The following FRYL variants were observed in gnomAD, a reference collection of about 807,000 sequenced individuals.
FRYL encodes the protein protein furry homolog-like.
FRYL carries 150 observed loss-of-function variants against 351.2 expected under a neutral mutation model. That is an observed-to-expected ratio of 0.43 (90% confidence interval 0.37 to 0.49). The LOEUF is 0.49. Ranked by LOEUF, FRYL falls within the 20% of genes least tolerant of loss-of-function variation. FRYL has a pLI of 0.00. For synonymous variants in FRYL, 1,153 were observed against 1,257.1 expected (o/e 0.92, Z 1.75); for missense variants, 3,036 against 3,619.3 (o/e 0.84, Z 4.13).
chr4:48,732,033 A>C (rs1484539953), intron 1 of FRYL, among the ~76,000 whole-genome samples: 1 of 152,218 alleles, frequency 6.6e-6, no homozygotes. Context: ...TCATCTGACA[A>C]AGGGCTAATA....
At chr4:48,599,714 G>T (rs537527742) in intron 13 of FRYL, among the ~76,000 whole-genome samples, 53 of 152,276 alleles carry the variant, frequency 3.5e-4, no homozygotes, top group Admixed American at 1.5e-3. Flanking sequence ...CGGGTTACTT[G>T]TTTATCTTCT....
chr4:48,671,201 A>G (rs1578650734), intron 3 of FRYL, among the ~76,000 whole-genome samples: 2 of 152,216 alleles, frequency 1.3e-5, no homozygotes, highest in South Asian at 2.1e-4. Flanking sequence ...CTGATCATCA[A>G]TGATGTTAAG....
chr4:48,676,803 G>A (rs116826972), intron 3 of FRYL, among the ~76,000 whole-genome samples: 464 of 152,200 alleles, frequency 3.0e-3, no homozygotes, highest in Non-Finnish European at 5.2e-3. Flanking sequence ...CATTTTTCTC[G>A]GGAATTAATC....
intron 7 of FRYL, among the ~76,000 whole-genome samples, chr4:48,610,670 ATAT>A (rs1002529696): frequency 1.7e-4 from 25 of 146,510 alleles, no homozygotes; most frequent in Admixed American, 3.5e-4. Flanking sequence ...ATATATACAT[ATAT>A]TATATTATAT....
chr4:48,528,509 A>T (rs1408832153), intron 50 of FRYL, among the ~76,000 whole-genome samples, 173 bp from the exon 51 acceptor site: 1 of 152,102 alleles, frequency 6.6e-6, no homozygotes, highest in African/African-American at 2.4e-5. Context: ...ATATATATAT[A>T]TTTTTAATCA....
chr4:48,522,765 C>T lies in FRYL; in HGVS notation c.7521+136G>A. The T allele has an allele frequency of 1.2e-5, 9 of 741,580 alleles. 2 individuals are homozygous for T. In the South Asian group the frequency reaches 1.4e-4, roughly 12 times the overall value. 45.9% of individuals were successfully genotyped at this position (741,580 alleles called of 1,614,324 possible). On this transcript the variant is annotated intron_variant, in intron 54 of 63. Transcript: ENST00000358350. ...TGCTGTCATGAATAACAACACGGTA[C>T]TCCATTAGTGTTGCAATCTTGTAGA...
rs369198633 is a variant in FRYL, at chr4:48,576,120, C to T, written c.2631G>A (p.Ser877=). The T allele has an allele frequency of 2.8e-5, 45 of 1,613,594 alleles. No individual in the cohort carries two copies. The highest frequency in any genetic ancestry group is 3.3e-5 in the Admixed American group (2 of 59,944). Residue 877 remains serine (S), a synonymous_variant, in exon 24 of 64, where the codon TCG becomes TCA. Coordinates refer to ENST00000358350, the MANE Select transcript of FRYL (RefSeq NM_015030.2). ...CAGAACCTGCAGATGTGGAAGATGA[C>T]GATGTTGCTGCACTGCAGCAAAGGA... ...YLILCCSAAT[S]SSSTSAGSVR... is the part of the protein sequence containing the mutation.
chr4:48,751,907 G>C (rs1773286162), intron 1 of FRYL, among the ~76,000 whole-genome samples: 1 of 151,738 alleles, frequency 6.6e-6, no homozygotes. Context: ...AGACCCATGG[G>C]ATGAATCCCA....
chr4:48,563,061 T>C (rs2149063503), intron 31 of FRYL, 73 bp from the exon 32 acceptor site: 1 of 980,424 alleles, frequency 1.0e-6, no homozygotes, highest in Non-Finnish European at 1.6e-6. Context: ...AAATATGATA[T>C]GCAAAGGGCA....
chr4:48,754,668 G>GTT (rs1195942954), intron 1 of FRYL, among the ~76,000 whole-genome samples: 14,721 of 142,118 alleles, frequency 0.1, 897 homozygotes, highest in African/African-American at 0.15. Flanking sequence ...TTTTTTTGGG[G>GTT]TTTTTTTTTT....
intron 3 of FRYL, among the ~76,000 whole-genome samples, chr4:48,681,636 T>G (rs1307060364): frequency 6.6e-6 from 1 of 152,130 alleles, no homozygotes; most frequent in African/African-American, 2.4e-5. Context: ...AAGGAGTCAT[T>G]TAAAACTTTA....
At chr4:48,660,794 C>G (rs1040728359) in intron 3 of FRYL, among the ~76,000 whole-genome samples, 2 of 152,116 alleles carry the variant, frequency 1.3e-5, no homozygotes, top group African/African-American at 4.8e-5. Context: ...TCCCAAAAAC[C>G]TTTAAGCCCA....
chr4:48,719,457 G>C (rs79186097), intron 1 of FRYL, among the ~76,000 whole-genome samples: 4,615 of 151,760 alleles, frequency 0.03, 231 homozygotes, highest in Non-Finnish European at 0.044. Context: ...GCTATATAAA[G>C]ATGACAAACC....
At chr4:48,504,643 C>CTA (rs1290501131) in intron 60 of FRYL, among the ~76,000 whole-genome samples, 1 of 152,072 alleles carries the variant, frequency 6.6e-6, no homozygotes, top group Non-Finnish European at 1.5e-5. Context: ...CTTGGTTTCA[C>CTA]TATTTGCTGA....
intron 3 of FRYL, among the ~76,000 whole-genome samples, chr4:48,674,197 G>C (rs1317109937): frequency 6.6e-6 from 1 of 152,084 alleles, no homozygotes; most frequent in Non-Finnish European, 1.5e-5. Context: ...GGACTTCTCT[G>C]TTCAACAGTC....
intron 1 of FRYL, among the ~76,000 whole-genome samples, chr4:48,716,461 C>A (rs553266931): frequency 6.6e-6 from 1 of 151,406 alleles, no homozygotes; most frequent in Non-Finnish European, 1.5e-5. Flanking sequence ...AGAAAGTGGG[C>A]GAAGGACATG....
Position 48,510,830 on chromosome 4 carries a change from CT to C in FRYL, c.8295+4del. The C allele has an allele frequency of 6.2e-7, 1 of 1,607,392 alleles. No homozygotes were observed. The highest frequency in any genetic ancestry group is 8.5e-7 in the Non-Finnish European group (1 of 1,176,396). ...TTTATAATAAACCTGCATGTAAAAA[CT>C]TACTGTTTCAGCATCCACAAAGACT... is the stretch of plus-strand genomic sequence containing the variant. On this transcript the variant is annotated splice_donor_region_variant and intron_variant, in intron 58 of 63. Coordinates refer to ENST00000358350, the MANE Select transcript of FRYL (RefSeq NM_015030.2).
At chr4:48,708,008 G>C (rs1053416047) in intron 2 of FRYL, among the ~76,000 whole-genome samples, 28 of 151,806 alleles carry the variant, frequency 1.8e-4, no homozygotes, top group African/African-American at 6.8e-4. Context: ...TTTTAGTAGA[G>C]AGGGGGTTTC....
intron 7 of FRYL, chr4:48,618,344 T>G (rs1235327119): frequency 1.3e-5 from 2 of 152,216 alleles, no homozygotes; most frequent in Non-Finnish European, 2.9e-5. Context: ...ACTGATTATA[T>G]AATTCAAGTA....
Sources: gnomAD v4.1 joint callset for allele counts (sites outside exome capture counted in the v4.1 genomes callset) on GRCh38, gnomAD v4.1.1 for gene constraint, MANE v1.5 for transcripts, NCBI Gene and HGNC (gene_info 2026-07-23, HGNC 2026-07-21) for gene names.